Variants in CNTN5 observed in about 807,000 individuals in gnomAD.
The protein encoded by CNTN5 is contactin 5.
In CNTN5, 77 loss-of-function variants were observed where a neutral mutation model predicts 129.1. That is an observed-to-expected ratio of 0.60 (90% CI 0.50 to 0.72). CNTN5 has a LOEUF of 0.72. CNTN5 is among the 30% of genes least tolerant of loss of function. The probability of loss-of-function intolerance (pLI) is 0.00; values close to 1 mark genes in which losing one functional copy is unlikely to be tolerated. For missense variants in CNTN5, 1,478 were observed against 1,328.8 expected, an observed-to-expected ratio of 1.11 and a Z score of -1.75; for synonymous variants, 509 against 465.6, an observed-to-expected ratio of 1.09 and a Z score of -1.20.
chr11:99,042,805 C>T (rs566018615), intron 1 of CNTN5, among the ~76,000 whole-genome samples: 4 of 148,702 alleles, frequency 2.7e-5, no homozygotes, highest in Admixed American at 6.6e-5. Flanking sequence ...TGAGCATAGA[C>T]GCAGTCTGGG....
intron 24 of CNTN5, among the ~76,000 whole-genome samples, chr11:100,355,364 T>A (rs910664608): frequency 8.6e-5 from 13 of 151,676 alleles, no homozygotes; most frequent in African/African-American, 3.1e-4. Flanking sequence ...AGAGCTATCA[T>A]CTCTTGTGAT....
At chr11:99,478,185 C>T (rs938474692) in intron 2 of CNTN5, among the ~76,000 whole-genome samples, 3 of 152,064 alleles carry the variant, frequency 2.0e-5, no homozygotes, top group Non-Finnish European at 4.4e-5. Flanking sequence ...GTGCCTTCCT[C>T]CAGTCTCTCA....
At chr11:99,869,595 T>C (rs1948448973) in intron 6 of CNTN5, among the ~76,000 whole-genome samples, 1 of 152,112 alleles carries the variant, frequency 6.6e-6, no homozygotes, top group Non-Finnish European at 1.5e-5. Flanking sequence ...CGCTGTATAT[T>C]GTAAATATAT....
chr11:99,118,571 T>C (rs1858151864), intron 1 of CNTN5, among the ~76,000 whole-genome samples: 1 of 152,110 alleles, frequency 6.6e-6, no homozygotes, highest in Non-Finnish European at 1.5e-5. Context: ...ATCCGAGAAG[T>C]ATGGAAAATA....
At chr11:100,205,571 T>A (rs1289224677) in intron 15 of CNTN5, among the ~76,000 whole-genome samples, 1 of 152,100 alleles carries the variant, frequency 6.6e-6, no homozygotes, top group African/African-American at 2.4e-5. Context: ...TTGAAGCCTC[T>A]ATTGAGCATT....
At position 99,645,569 on chromosome 11, in the gene CNTN5, A is replaced by G. The variant is rs141167274; in HGVS notation, c.55+89300A>G. Among the ~76,000 whole-genome samples the G allele has an allele frequency of 8.0e-3, 1,220 of 152,198 alleles. 14 individuals carry two copies. The highest frequency in any genetic ancestry group is 0.027 in the African/African-American group (1,136 of 41,516). ...CAACCCAAATGTCCATTAATGATAG[A>G]CTGGATTAAGAAAATGTGGTAATAT... On this transcript the variant is annotated intron_variant, in intron 3 of 24. Transcript: ENST00000524871.
chr11:99,588,152 G>A (rs186666023), intron 3 of CNTN5, among the ~76,000 whole-genome samples: 1 of 152,184 alleles, frequency 6.6e-6, no homozygotes, highest in East Asian at 1.9e-4. Flanking sequence ...TACCATCCTG[G>A]CTAACACGGT....
Position 100,061,202 on chromosome 11 carries a change from C to A in CNTN5, c.981-10C>A. ...GAGTGTATTAACAGTATTTTTGTTCCCTATCGTAGCCCCGTTCCAACAATC... is the reference window on the plus strand; with the variant it reads ...GAGTGTATTAACAGTATTTTTGTTCACTATCGTAGCCCCGTTCCAACAATC... On this transcript the variant is annotated splice_polypyrimidine_tract_variant and intron_variant, in intron 9 of 24. Transcript: ENST00000524871. 1 of 1,595,896 alleles carries A rather than the reference C, an allele frequency of 6.3e-7. No individual in the cohort carries two copies. Among genetic ancestry groups the A allele is most frequent in the Admixed American group, 1.7e-5 (1 of 59,382 alleles).
At chr11:99,392,766 C>T (rs923758340) in intron 2 of CNTN5, among the ~76,000 whole-genome samples, 3 of 151,780 alleles carry the variant, frequency 2.0e-5, no homozygotes, top group African/African-American at 7.2e-5. Context: ...ATGAATTGTT[C>T]ACATTTTTCA....
intron 3 of CNTN5, among the ~76,000 whole-genome samples, chr11:99,653,852 AT>A (rs896483205): frequency 3.3e-5 from 5 of 151,992 alleles, no homozygotes; most frequent in East Asian, 1.9e-4. Context: ...ATTTTATAGA[AT>A]TTTTTTTAAT....
At chr11:99,144,917 C>G (rs1859703172) in intron 1 of CNTN5, among the ~76,000 whole-genome samples, 1 of 151,676 alleles carries the variant, frequency 6.6e-6, no homozygotes, top group African/African-American at 2.4e-5. Flanking sequence ...ATTTTATTTT[C>G]CTTGGATTTT....
At chr11:99,059,945 T>C (rs547515983) in intron 1 of CNTN5, among the ~76,000 whole-genome samples, 1 of 152,190 alleles carries the variant, frequency 6.6e-6, no homozygotes, top group Admixed American at 6.6e-5. Flanking sequence ...TAAAACATGA[T>C]AGTAATCTCA....
At chr11:99,885,429 T>A (rs924615146) in intron 6 of CNTN5, among the ~76,000 whole-genome samples, 5 of 152,136 alleles carry the variant, frequency 3.3e-5, no homozygotes, top group African/African-American at 1.2e-4. Flanking sequence ...CTCAAAGTGA[T>A]GAACAAAAAA....
At position 99,227,649 on chromosome 11, in the gene CNTN5, G is replaced by A. The variant is rs114024035; in HGVS notation, c.-209-97697G>A. Among the ~76,000 whole-genome samples the A allele has an allele frequency of 4.1e-3, 624 of 152,126 alleles. 5 individuals carry two copies. Among genetic ancestry groups the A allele is most frequent in the African/African-American group, 0.012 (500 of 41,500 alleles). On this transcript the variant is annotated intron_variant, in intron 1 of 24. Coordinates refer to ENST00000524871, the MANE Select transcript of CNTN5 (RefSeq NM_014361.4). ...CTCTTTTGTCCTTGTGCTTCAATGC[G>A]TTATCAATAATAAAGAAGGGGCTTA...
intron 2 of CNTN5, among the ~76,000 whole-genome samples, chr11:99,326,554 G>A (rs968131372): frequency 2.3e-4 from 35 of 152,130 alleles, no homozygotes; most frequent in African/African-American, 7.7e-4. Flanking sequence ...GTTTTACCAC[G>A]ATATGTGATT....
chr11:99,772,387 T>C (rs975533243), intron 3 of CNTN5, among the ~76,000 whole-genome samples: 1 of 152,094 alleles, frequency 6.6e-6, no homozygotes, highest in African/African-American at 2.4e-5. Flanking sequence ...GAAATGACAC[T>C]TAACTGCCAT....
intron 2 of CNTN5, among the ~76,000 whole-genome samples, chr11:99,553,999 C>CACACACAT (rs1948587674): frequency 3.3e-5 from 5 of 150,622 alleles, no homozygotes; most frequent in Admixed American, 1.3e-4. Context: ...CACACACATA[C>CACACACAT]ACACACACAC....
At chr11:100,352,962 T>A (rs1952449025) in intron 24 of CNTN5, among the ~76,000 whole-genome samples, 1 of 151,514 alleles carries the variant, frequency 6.6e-6, no homozygotes, top group African/African-American at 2.4e-5. Context: ...AACTAGGTGT[T>A]TTCTATATAT....
chr11:100,260,554 C>A (rs1276650853), intron 17 of CNTN5, among the ~76,000 whole-genome samples: 3 of 152,172 alleles, frequency 2.0e-5, no homozygotes, highest in African/African-American at 7.2e-5. Flanking sequence ...CAATAAAATA[C>A]TGGCAATTCA....
Sources: allele counts gnomAD v4.1 joint callset (sites outside exome capture counted in the v4.1 genomes callset), GRCh38; gene constraint gnomAD v4.1.1; transcripts MANE v1.5; gene names NCBI Gene and HGNC (gene_info 2026-07-23, HGNC 2026-07-21).